Variants in MYO10 observed in about 807,000 individuals in gnomAD.
MYO10 encodes myosin X, also known as unconventional myosin-X.
In MYO10, 133 loss-of-function variants were observed where a neutral mutation model predicts 257.3. The observed-to-expected ratio is 0.52, with a 90% CI of 0.45 to 0.60. The LOEUF is 0.60. MYO10 is among the 20% of genes least tolerant of loss of function. The pLI, the probability that MYO10 is intolerant of heterozygous loss-of-function variation, is 0.00. For synonymous variants in MYO10, 1,104 were observed against 1,028.6 expected (o/e 1.07, Z -1.40); for missense variants, 2,399 against 2,635.7 (o/e 0.91, Z 1.97).
chr5:16,922,213 CA>C (rs370180899), intron 1 of MYO10, among the ~76,000 whole-genome samples: 274 of 125,962 alleles, frequency 2.2e-3, no homozygotes, highest in Middle Eastern at 4.3e-3. Context: ...GACTCCGTCT[CA>C]AAAAAAAAAA....
At chr5:16,880,184 A>G (rs1021937035) in intron 1 of MYO10, among the ~76,000 whole-genome samples, 9 of 151,872 alleles carry the variant, frequency 5.9e-5, no homozygotes, top group African/African-American at 2.2e-4. Flanking sequence ...ATCTCAAAAA[A>G]TAAATAAATA....
intron 1 of MYO10, among the ~76,000 whole-genome samples, chr5:16,883,067 C>T (rs1033079790): frequency 2.0e-5 from 3 of 151,918 alleles, no homozygotes; most frequent in Admixed American, 2.0e-4. Flanking sequence ...AGGTGCCCAC[C>T]ACCACGCCTG....
chr5:16,857,835 T>A lies in MYO10; in HGVS notation c.120+19774A>T, dbSNP rs1744003212. On this transcript the variant is annotated intron_variant, in intron 2 of 40. Coordinates refer to ENST00000513610, the MANE Select transcript of MYO10 (RefSeq NM_012334.3). ...GTCCTGGGCTCACCTCCAGGGAGGC[T>A]GTACCATTTGGTGTGGCATAGTGGC... Among the ~76,000 whole-genome samples, 2 of 152,224 alleles carry A rather than the reference T, an allele frequency of 1.3e-5. 1 individual carries two copies. Among genetic ancestry groups the A allele is most frequent in the South Asian group, 4.1e-4 (2 of 4,832 alleles).
chr5:16,885,192 CTT>C (rs57492208), intron 1 of MYO10, among the ~76,000 whole-genome samples: 31 of 143,140 alleles, frequency 2.2e-4, no homozygotes, highest in Non-Finnish European at 2.5e-4. Flanking sequence ...GTCCACTCTG[CTT>C]TTTTTTTTTT....
intron 33 of MYO10, among the ~76,000 whole-genome samples, chr5:16,677,416 C>CTTTTATTTTTTT (rs1736778758): frequency 8.4e-6 from 1 of 119,380 alleles, no homozygotes; most frequent in African/African-American, 3.1e-5. Flanking sequence ...GTAACTTGAC[C>CTTTTATTTTTTT]TTTTTTTTTT....
chr5:16,680,409 C>G (rs924669344), intron 32 of MYO10, among the ~76,000 whole-genome samples: 40 of 152,264 alleles, frequency 2.6e-4, no homozygotes, highest in African/African-American at 9.4e-4. Flanking sequence ...GTTAATGTCT[C>G]TTTTTGGGCT....
intron 26 of MYO10, 60 bp downstream of exon 26, chr5:16,699,390 C>T (rs1009311394): frequency 8.9e-6 from 14 of 1,574,038 alleles, no homozygotes; most frequent in African/African-American, 5.4e-5. Context: ...TCCATCAGCC[C>T]GGATAAAATA....
chr5:16,759,198 T>A (rs866434033), intron 17 of MYO10, among the ~76,000 whole-genome samples: 2 of 152,162 alleles, frequency 1.3e-5, no homozygotes, highest in Non-Finnish European at 2.9e-5. Context: ...GTTAGGATTA[T>A]AGGCGTGAGC....
At chr5:16,826,863 C>T (rs1417867543) in intron 2 of MYO10, among the ~76,000 whole-genome samples, 1 of 152,192 alleles carries the variant, frequency 6.6e-6, no homozygotes, top group African/African-American at 2.4e-5. Flanking sequence ...TGCCTCCTGA[C>T]ATATGGCTGA....
chr5:16,687,398 G>C (rs1221145909), intron 28 of MYO10, among the ~76,000 whole-genome samples: 4 of 151,024 alleles, frequency 2.6e-5, no homozygotes, highest in Admixed American at 1.3e-4. Flanking sequence ...TCAGGAAAAT[G>C]ACTATGAACA....
chr5:16,846,977 G>C (rs1184990121), intron 2 of MYO10, among the ~76,000 whole-genome samples: 2 of 152,086 alleles, frequency 1.3e-5, no homozygotes, highest in African/African-American at 4.8e-5. Flanking sequence ...AATTAGCTGG[G>C]TGTGGTGGCA....
intron 2 of MYO10, among the ~76,000 whole-genome samples, chr5:16,871,619 AT>A (rs942821239): frequency 6.6e-6 from 1 of 152,050 alleles, no homozygotes; most frequent in African/African-American, 2.4e-5. Context: ...AAAAAAAAAA[AT>A]CTATCCCTGG....
chr5:16,821,467 T>C lies in MYO10; in HGVS notation c.121-3300A>G, dbSNP rs1256484202. ...TCTTTTTTTTTTTTTTTTTTTTTTT[T>C]TTTTTTTTTTTTTTTTTGAGACGGA... On this transcript the variant is annotated intron_variant, in intron 2 of 40. Transcript: ENST00000513610. Among the ~76,000 whole-genome samples, 183 of 29,472 alleles carry C rather than the reference T, an allele frequency of 6.2e-3. 9 individuals carry two copies. The highest frequency in any genetic ancestry group is 0.013 in the African/African-American group (172 of 12,932). 19.3% of individuals were successfully genotyped at this position (29,472 alleles called of 152,430 possible).
intron 10 of MYO10, among the ~76,000 whole-genome samples, chr5:16,767,211 C>T (rs1403321027): frequency 2.7e-5 from 4 of 146,544 alleles, no homozygotes; most frequent in African/African-American, 1.0e-4. Flanking sequence ...TGCTTTGTCT[C>T]CCAGGCTGGA....
chr5:16,834,564 T>C (rs1743256736), intron 2 of MYO10, among the ~76,000 whole-genome samples: 1 of 152,176 alleles, frequency 6.6e-6, no homozygotes, highest in African/African-American at 2.4e-5. Context: ...GCTAAAGGGA[T>C]GAACAGCAGC....
chr5:16,732,025 G>C (rs1217530006), intron 19 of MYO10, among the ~76,000 whole-genome samples: 1 of 152,184 alleles, frequency 6.6e-6, no homozygotes, highest in African/African-American at 2.4e-5. Flanking sequence ...GACTGAGGGG[G>C]TCTGTGTGAG....
Position 16,699,576 on chromosome 5 carries a change from G to C in MYO10, c.3433-3C>G. 6.2e-7 allele frequency: 1 copy of C among 1,613,326 alleles called. No homozygotes were observed. ...AAGTCCTCTTCACTATCTTCAAACT[G>C]GACCGAGAGAGAGAAGCCAACGGTG... On this transcript the variant is annotated splice_polypyrimidine_tract_variant and splice_region_variant and intron_variant, in intron 25 of 40. Transcript: ENST00000513610.
rs1454524525 is a variant in MYO10 at position 16,694,714 on chromosome 5, G to C, written c.3557-100C>G. On this transcript the variant is annotated intron_variant, in intron 26 of 40. Coordinates refer to ENST00000513610, the MANE Select transcript of MYO10 (RefSeq NM_012334.3). ...AGGTGTTAAGGTCTAGCCGAGCTTA[G>C]ACTCTGCCCCAGCCGCAGCACCGCA... 6 of 1,479,478 alleles carry C rather than the reference G, an allele frequency of 4.1e-6. No individual in the cohort carries two copies. In the African/African-American group the frequency reaches 6.9e-5, roughly 17 times the overall value. The allele number at this position is 1,479,478 out of a possible 1,614,324, so 91.6% of individuals were successfully genotyped here.
chr5:16,848,449 C>T (rs1313163676), intron 2 of MYO10, among the ~76,000 whole-genome samples: 1 of 152,000 alleles, frequency 6.6e-6, no homozygotes, highest in African/African-American at 2.4e-5. Context: ...CATGAGCCAT[C>T]GCACCTGGCT....
Sources: allele counts gnomAD v4.1 joint callset (sites outside exome capture counted in the v4.1 genomes callset), GRCh38; gene constraint gnomAD v4.1.1; transcripts MANE v1.5; gene names NCBI Gene and HGNC (gene_info 2026-07-23, HGNC 2026-07-21).